PTPN6: variants seen among roughly 807,000 people sequenced by gnomAD.
PTPN6 encodes tyrosine-protein phosphatase non-receptor type 6.
A neutral mutation model predicts 81.5 loss-of-function variants in PTPN6; 18 were observed. That is an observed-to-expected ratio of 0.22 (90% CI 0.15 to 0.33). The LOEUF (loss-of-function observed/expected upper bound fraction) is 0.33. Ranked by LOEUF, PTPN6 falls within the 10% of genes least tolerant of loss-of-function variation. The pLI, the probability that PTPN6 is intolerant of heterozygous loss-of-function variation, is 1.00. For missense variants in PTPN6, 500 were observed against 794.2 expected, an observed-to-expected ratio of 0.63 and a Z score of 4.45; for synonymous variants, 301 against 310.9, an observed-to-expected ratio of 0.97 and a Z score of 0.33.
In PTPN6 at chr12:6,955,248, C is replaced by A. The variant is rs1555148401; in HGVS notation, c.614C>A (p.Ala205Asp). ...ACGGGGATTGAGGAGGCCTCAGGCG[C>A]CTTTGTCTACCTGCGGCAGGTCAGG... ...KKTGIEEASG[A>D]FVYLRQPYYA... Residue 205 changes from alanine (A) to aspartate (D), a missense_variant, in exon 5 of 16, where the codon GCC (alanine) becomes GAC (aspartate). Ala to Asp is a moderately radical substitution (Grantham distance 126). This residue lies in a region of PTPN6 where 96 missense variants were observed against 137.3 expected (regional missense o/e 0.70). Coordinates refer to ENST00000318974, the MANE Select transcript of PTPN6 (RefSeq NM_002831.6). This position sits in a 1 kb window ranked among gnomAD's most constrained non-coding sequence, Gnocchi z 7.2. 2 of 1,614,194 alleles carry A rather than the reference C, an allele frequency of 1.2e-6. No homozygotes were observed. The highest frequency in any genetic ancestry group is 1.6e-4 in the Middle Eastern group (1 of 6,062).
chr12:6,957,723 T>C lies in PTPN6; in HGVS notation c.1144T>C (p.Cys382Arg). Residue 382 changes from cysteine (C) to arginine (R), a missense_variant, in exon 10 of 16, where the codon TGC becomes CGC. Cys to Arg is a radical substitution (Grantham distance 180). This residue lies in a region of PTPN6 where 226 missense variants were observed against 364.4 expected (regional missense o/e 0.62). Transcript: ENST00000318974. This position sits in a 1 kb window ranked among gnomAD's most constrained non-coding sequence, Gnocchi z 6.5. ...RAYGPYSVTN[C>R]GEHDTTEYKL... The stretch of plus-strand genomic sequence containing the variant: ...TTATGGGCCCTACTCTGTGACCAAC[T>C]GCGGGGAGCATGACACAACCGAATA... 6.6e-7 allele frequency: 1 copy of C among 1,516,156 alleles called. No homozygotes were observed. Among genetic ancestry groups the C allele is most frequent in the South Asian group, 1.1e-5 (1 of 89,804 alleles). 93.9% of individuals were successfully genotyped at this position (1,516,156 alleles called of 1,614,324 possible).
chr12:6,953,521 T>C (rs929634410), intron 3 of PTPN6: 1 of 152,240 alleles, frequency 6.6e-6, no homozygotes, highest in African/African-American at 2.4e-5. Flanking sequence ...GGAGGCCCTT[T>C]TGGGTGACCC....
At position 6,955,009 on chromosome 12, in the gene PTPN6, C is replaced by A. The variant is rs372937535; in HGVS notation, c.516+15C>A. 164 of 1,613,694 alleles carry A rather than the reference C, an allele frequency of 1.0e-4. No homozygotes were observed. The highest frequency in any genetic ancestry group is 1.4e-4 in the Non-Finnish European group (160 of 1,179,940). On this transcript the variant is annotated intron_variant, in intron 4 of 15. Coordinates refer to ENST00000318974, the MANE Select transcript of PTPN6 (RefSeq NM_002831.6). The surrounding 1 kb of genome is among the most constrained non-coding windows in gnomAD (Gnocchi z 7.2). ...TCATGTGCGAGGTAAGGCAGCCAGGCGGCGGGGGAGCCTCTGCTGAGGCTC... is the reference window on the plus strand; with the variant it reads ...TCATGTGCGAGGTAAGGCAGCCAGGAGGCGGGGGAGCCTCTGCTGAGGCTC...
chr12:6,946,611 C>T, upstream of PTPN6: 1 of 825,608 alleles, frequency 1.2e-6, no homozygotes, highest in Non-Finnish European at 2.1e-6. Flanking sequence ...GAGGAAGTGG[C>T]TGATTACTGA....
rs913488176 is a variant in PTPN6 at position 6,955,938 on chromosome 12, C to T, written c.844+182C>T. Among the ~76,000 whole-genome samples the T allele has an allele frequency of 6.6e-6, 1 of 151,760 alleles. No homozygotes were observed. Among genetic ancestry groups the T allele is most frequent in the South Asian group, 2.1e-4 (1 of 4,798 alleles). On this transcript the variant is annotated intron_variant, in intron 7 of 15. Coordinates refer to ENST00000318974, the MANE Select transcript of PTPN6 (RefSeq NM_002831.6). The surrounding 1 kb of genome is among the most constrained non-coding windows in gnomAD (Gnocchi z 7.2). ...GAAGTGCCTCCCCACCACCAGCAGG[C>T]AGGTTGCCCCCTGCTCCCAACCTCC...
chr12:6,958,440 C>T (rs1441224699), intron 11 of PTPN6, among the ~76,000 whole-genome samples: 2 of 152,262 alleles, frequency 1.3e-5, no homozygotes, highest in Non-Finnish European at 2.9e-5. Flanking sequence ...CGCTTTCTCT[C>T]GAGGTCCCAT....
rs1565579922 is a variant in PTPN6 at position 6,951,871 on chromosome 12, CCTGT to C, written c.132-107_132-104del. 6 of 1,556,732 alleles carry C rather than the reference CCTGT, an allele frequency of 3.9e-6. No individual in the cohort carries two copies. The Admixed American group carries it at 6.9e-5, about 18-fold the overall frequency. Reference sequence around the variant, plus strand: ...GCCCCCAACCCCCACACTCCCCATCCCTGTCTGTGCCCACCCATGCCCATGTGTG... The same window carrying C: ...GCCCCCAACCCCCACACTCCCCATCCCTGTGCCCACCCATGCCCATGTGTG... On this transcript the variant is annotated intron_variant, in intron 2 of 15. Transcript: ENST00000318974. This position sits in a 1 kb window ranked among gnomAD's most constrained non-coding sequence, Gnocchi z 7.2.
upstream of PTPN6, among the ~76,000 whole-genome samples, chr12:6,948,723 G>A (rs781478329): frequency 1.6e-3 from 246 of 151,866 alleles, no homozygotes; most frequent in Non-Finnish European, 3.2e-3. Flanking sequence ...GGTGGATCAC[G>A]AGGTCAGGAG....
chr12:6,961,227 C>A lies in PTPN6; in HGVS notation c.*127C>A, dbSNP rs927667638. 6 of 433,776 alleles carry A rather than the reference C, an allele frequency of 1.4e-5. No individual in the cohort carries two copies. Among genetic ancestry groups the A allele is most frequent in the East Asian group, 5.0e-5 (1 of 20,144 alleles). 26.9% of individuals were successfully genotyped at this position (433,776 alleles called of 1,614,324 possible). On this transcript the variant is annotated 3_prime_UTR_variant, in exon 16 of 16. Transcript: ENST00000318974. The stretch of plus-strand genomic sequence containing the variant: ...GTAATTTAAATGGCTGCATCCCCCC[C>A]ACCTCTCCCTGACCCTGTATATAGC...
chr12:6,957,629 T>TCCCCC lies in PTPN6; in HGVS notation c.1075-21_1075-20insCCCCC. On this transcript the variant is annotated intron_variant, in intron 9 of 15. Coordinates refer to ENST00000318974, the MANE Select transcript of PTPN6 (RefSeq NM_002831.6). This position sits in a 1 kb window ranked among gnomAD's most constrained non-coding sequence, Gnocchi z 6.5. ...CCACAGTGCCCTGCTCTGTGCCTCATCCCCACCCGACCCTCCCTTTCCAGA... is the reference window on the plus strand; with the variant it reads ...CCACAGTGCCCTGCTCTGTGCCTCATCCCCCCCCCACCCGACCCTCCCTTTCCAGA... The TCCCCC allele has an allele frequency of 2.5e-5, 38 of 1,521,436 alleles. No homozygotes were observed. The highest frequency in any genetic ancestry group is 3.2e-5 in the Non-Finnish European group (35 of 1,105,616). The allele number at this position is 1,521,436 out of a possible 1,614,324, so 94.2% of individuals were successfully genotyped here.
Position 6,952,337 on chromosome 12 carries a change from C to T in PTPN6, c.326+160C>T. On this transcript the variant is annotated intron_variant, in intron 3 of 15. Coordinates refer to ENST00000318974, the MANE Select transcript of PTPN6 (RefSeq NM_002831.6). The surrounding 1 kb of genome is among the most constrained non-coding windows in gnomAD (Gnocchi z 8.1). ...TCTCAATGTCCCTCCTCCCTGCTGT[C>T]CTGGGACCTGGTGTCTCAGAGCCTA... is the stretch of plus-strand genomic sequence containing the variant. 3 of 812,180 alleles carry T rather than the reference C, an allele frequency of 3.7e-6. No individual in the cohort carries two copies. Among genetic ancestry groups the T allele is most frequent in the Non-Finnish European group, 5.9e-6 (3 of 504,842 alleles). The allele number at this position is 812,180 out of a possible 1,614,324, so 50.3% of individuals were successfully genotyped here. A position where few individuals can be genotyped will look rare whatever the true frequency, so the allele number is the denominator to read the frequency against.
chr12:6,958,220 TC>T, intron 11 of PTPN6, 147 bp downstream of exon 11: 1 of 1,186,312 alleles, frequency 8.4e-7, no homozygotes, highest in Non-Finnish European at 1.2e-6. Context: ...CCCTCATGGC[TC>T]CAGAACCCTG....
chr12:6,947,154 G>A (rs1484226324), upstream of PTPN6, among the ~76,000 whole-genome samples: 3 of 152,110 alleles, frequency 2.0e-5, no homozygotes, highest in Non-Finnish European at 4.4e-5. Context: ...CATCTTCTTT[G>A]TTTCCTTTCA....
In PTPN6 at chr12:6,957,629, T is replaced by TGCCCCCCCCCC; in HGVS notation, c.1075-25_1075-24insGCCCCCCCCCC. ...CCACAGTGCCCTGCTCTGTGCCTCA[T>TGCCCCCCCCCC]CCCCACCCGACCCTCCCTTTCCAGA... is the stretch of plus-strand genomic sequence containing the variant. On this transcript the variant is annotated intron_variant, in intron 9 of 15. Transcript: ENST00000318974. This position sits in a 1 kb window ranked among gnomAD's most constrained non-coding sequence, Gnocchi z 6.5. The TGCCCCCCCCCC allele has an allele frequency of 2.6e-6, 4 of 1,521,488 alleles. No homozygotes were observed. The highest frequency in any genetic ancestry group is 1.1e-5 in the South Asian group (1 of 88,560). 94.2% of individuals were successfully genotyped at this position (1,521,488 alleles called of 1,614,324 possible).
rs782452636 is a variant in PTPN6 at position 6,956,900 on chromosome 12, A to G, written c.1074+332A>G. Among the ~76,000 whole-genome samples, 1 of 151,960 alleles carries G rather than the reference A, an allele frequency of 6.6e-6. No individual in the cohort carries two copies. The highest frequency in any genetic ancestry group is 6.5e-5 in the Admixed American group (1 of 15,272). On this transcript the variant is annotated intron_variant, in intron 9 of 15. Coordinates refer to ENST00000318974, the MANE Select transcript of PTPN6 (RefSeq NM_002831.6). The surrounding 1 kb of genome is among the most constrained non-coding windows in gnomAD (Gnocchi z 4.1). ...GCCCCTTACCCTGCAGGCTCCCCCT[A>G]CACAGCACCCTCTGTGCTGCCATTG...
In PTPN6 at chr12:6,955,147, C is replaced by A. The variant is rs375331892; in HGVS notation, c.517-4C>A. The A allele has an allele frequency of 7.4e-6, 12 of 1,614,022 alleles. No individual in the cohort carries two copies. In the Admixed American group the frequency reaches 1.5e-4, roughly 20 times the overall value. ...TGTGAATGGCCTAATTTGGCTCCCC[C>A]CAGGGTGGACGCTACACAGTGGGTG... On this transcript the variant is annotated splice_polypyrimidine_tract_variant and splice_region_variant and intron_variant, in intron 4 of 15. Transcript: ENST00000318974. The surrounding 1 kb of genome is among the most constrained non-coding windows in gnomAD (Gnocchi z 7.2).
At position 6,959,547 on chromosome 12, in the gene PTPN6, T is replaced by C; in HGVS notation, c.1362-380T>C. On this transcript the variant is annotated intron_variant, in intron 11 of 15. Coordinates refer to ENST00000318974, the MANE Select transcript of PTPN6 (RefSeq NM_002831.6). The surrounding 1 kb of genome is among the most constrained non-coding windows in gnomAD (Gnocchi z 6.6). Reference sequence around the variant, plus strand: ...TGAAGCCATGCTGAGAGACGCTCCATAACTCCTTCAGGGAGAGGCGGGGAG... The same window carrying C: ...TGAAGCCATGCTGAGAGACGCTCCACAACTCCTTCAGGGAGAGGCGGGGAG... 1 of 423,220 alleles carries C rather than the reference T, an allele frequency of 2.4e-6. No individual in the cohort carries two copies. The highest frequency in any genetic ancestry group is 4.4e-6 in the Non-Finnish European group (1 of 228,402). The allele number at this position is 423,220 out of a possible 1,614,324, so 26.2% of individuals were successfully genotyped here. A position where few individuals can be genotyped will look rare whatever the true frequency, so the allele number is the denominator to read the frequency against.
Position 6,951,392 on chromosome 12 carries a change from G to T in PTPN6, c.-121G>T. On this transcript the variant is annotated 5_prime_UTR_variant, in exon 1 of 16. Coordinates refer to ENST00000318974, the MANE Select transcript of PTPN6 (RefSeq NM_002831.6). The surrounding 1 kb of genome is among the most constrained non-coding windows in gnomAD (Gnocchi z 7.2). Reference sequence around the variant, plus strand: ...AGCCCCAGAACTGGGACCACCGGGGGTGGTGAGGCGGCCCGGCACTGGGAG... The same window carrying T: ...AGCCCCAGAACTGGGACCACCGGGGTTGGTGAGGCGGCCCGGCACTGGGAG... The T allele has an allele frequency of 6.5e-7, 1 of 1,548,072 alleles. No homozygotes were observed. The highest frequency in any genetic ancestry group is 8.7e-7 in the Non-Finnish European group (1 of 1,146,940).
In PTPN6 at chr12:6,954,874, G is replaced by GT; in HGVS notation, c.399dup (p.Leu134SerfsTer4). On this transcript the variant is annotated frameshift_variant, in exon 4 of 16. Coordinates refer to ENST00000318974, the MANE Select transcript of PTPN6 (RefSeq NM_002831.6). LOFTEE classifies it high-confidence loss of function. This position sits in a 1 kb window ranked among gnomAD's most constrained non-coding sequence, Gnocchi z 5.4. ...TGCAGGCCAAGGGCGAGCCCTGGACGTTTCTTGTGCGTGAGAGCCTCAGCC... is the reference window on the plus strand; with the variant it reads ...TGCAGGCCAAGGGCGAGCCCTGGACGTTTTCTTGTGCGTGAGAGCCTCAGCC... The GT allele has an allele frequency of 6.2e-7, 1 of 1,614,228 alleles. No homozygotes were observed. Among genetic ancestry groups the GT allele is most frequent in the Non-Finnish European group, 8.5e-7 (1 of 1,180,042 alleles).
Sources: gnomAD v4.1 joint callset for allele counts (sites outside exome capture counted in the v4.1 genomes callset) on GRCh38, gnomAD v4.1.1 for gene constraint, gnomAD v4.1.1 regional missense constraint, Gnocchi (gnomAD v3.1) non-coding constraint, MANE v1.5 for transcripts, NCBI Gene and HGNC (gene_info 2026-07-23, HGNC 2026-07-21) for gene names.